The following KCNK6 variants were observed in gnomAD, a reference collection of about 807,000 sequenced individuals.
The protein encoded by KCNK6 is potassium two pore domain channel subfamily K member 6, also known as potassium channel subfamily K member 6.
In KCNK6, 20 loss-of-function variants were observed where a neutral mutation model predicts 21.9. The observed-to-expected ratio is 0.91, with a 90% CI of 0.64 to 1.32. The LOEUF (loss-of-function observed/expected upper bound fraction) is 1.32, where lower values mean the gene tolerates loss of function less well. KCNK6 is among the 40% of genes most tolerant of loss of function. The pLI is 0.00. For missense variants in KCNK6, 415 were observed against 433.1 expected (o/e 0.96, Z 0.37); for synonymous variants, 210 against 218.0 (o/e 0.96, Z 0.32).
intron 1 of KCNK6, among the ~76,000 whole-genome samples, chr19:38,322,687 C>G (rs959062596): frequency 2.6e-5 from 4 of 151,902 alleles, no homozygotes; most frequent in Admixed American, 2.6e-4. Context: ...TTGTGGCAGG[C>G]ACCTGTAATT....
Position 38,326,968 on chromosome 19 carries a change from T to C in KCNK6, c.698T>C (p.Leu233Pro), listed in dbSNP as rs747859713. The change falls in exon 2 of 3, where the codon CTC (leucine) becomes CCC (proline). Residue 233 changes from leucine to proline, a missense_variant. Transcript: ENST00000263372. The part of the protein sequence containing the change: ...GEAPGQPYRA[L>P]YKVLVTVYLF... ...GCCCCTGGCCAGCCCTACCGGGCCCTCTACAAGGTGCTGGTCACAGGTGAG... is the reference window on the plus strand; with the variant it reads ...GCCCCTGGCCAGCCCTACCGGGCCCCCTACAAGGTGCTGGTCACAGGTGAG... 1 of 1,603,392 alleles carries C rather than the reference T, an allele frequency of 6.2e-7. No individual in the cohort carries two copies. The highest frequency in any genetic ancestry group is 8.5e-7 in the Non-Finnish European group (1 of 1,179,250).
intron 1 of KCNK6, among the ~76,000 whole-genome samples, chr19:38,324,309 G>C (rs1000488188): frequency 6.6e-6 from 1 of 152,120 alleles, no homozygotes; most frequent in Admixed American, 6.6e-5. Context: ...TATTAATGAG[G>C]GTTGGGGGTC....
chr19:38,321,018 C>G (rs1244171468), intron 1 of KCNK6, among the ~76,000 whole-genome samples: 1 of 152,126 alleles, frequency 6.6e-6, no homozygotes, highest in Non-Finnish European at 1.5e-5. Context: ...TGCCAGGACC[C>G]CTGACTTTAT....
intron 1 of KCNK6, among the ~76,000 whole-genome samples, chr19:38,320,652 G>T (rs1245615897): frequency 6.6e-6 from 1 of 151,858 alleles, no homozygotes; most frequent in South Asian, 2.1e-4. Context: ...TCCGCCTCCC[G>T]GTTTCAAGCT....
In KCNK6 at chr19:38,328,901, G is replaced by GAAAGAAAGAAAGAAAGAAAGA. The variant is rs1568366774; in HGVS notation, c.*1498_*1499insAAAGAAAGAAAGAAAGAAAGA. 1 of 104,148 alleles carries GAAAGAAAGAAAGAAAGAAAGA rather than the reference G, an allele frequency of 9.6e-6. No individual in the cohort carries two copies. 6.5% of individuals were successfully genotyped at this position (104,148 alleles called of 1,614,324 possible). Reference sequence around the variant, plus strand: ...GAGAGAAAGAAAGAAAGAAAGAAAGGGAAAGATGGAAGGAAGGAAGGAAAA... The same window carrying GAAAGAAAGAAAGAAAGAAAGA: ...GAGAGAAAGAAAGAAAGAAAGAAAGGAAAGAAAGAAAGAAAGAAAGAGAAAGATGGAAGGAAGGAAGGAAAA... On this transcript the variant is annotated 3_prime_UTR_variant, in exon 3 of 3. Coordinates refer to ENST00000263372, the MANE Select transcript of KCNK6 (RefSeq NM_004823.3).
At chr19:38,326,346 C>A (rs899478060) in intron 1 of KCNK6, among the ~76,000 whole-genome samples, 1 of 152,000 alleles carries the variant, frequency 6.6e-6, no homozygotes, top group Non-Finnish European at 1.5e-5. Context: ...TCCAGGAGCT[C>A]GAGACTAGCC....
chr19:38,327,322 G>A lies in KCNK6; in HGVS notation c.861G>A (p.Val287=), dbSNP rs1391620530. 8.1e-6 allele frequency: 13 copies of A among 1,613,156 alleles called. No homozygotes were observed. The Admixed American group carries it at 2.2e-4, about 27-fold the overall frequency. The change falls in exon 3 of 3, where the codon GTG becomes GTA. Residue 287 remains valine, a synonymous_variant. Coordinates refer to ENST00000263372, the MANE Select transcript of KCNK6 (RefSeq NM_004823.3). ...ASFNADEDDR[V]DILGPQPESH... ...TCAATGCGGATGAGGACGATCGGGT[G>A]GACATCCTGGGCCCCCAGCCGGAGT...
chr19:38,329,405 A>G lies in KCNK6; in HGVS notation c.*2002A>G, dbSNP rs960098685. ...CCATCTCTACAAAAATAAAAATTTTAAAAAGGGCTGGGGCATTTGAGCTGG... is the reference window on the plus strand; with the variant it reads ...CCATCTCTACAAAAATAAAAATTTTGAAAAGGGCTGGGGCATTTGAGCTGG... On this transcript the variant is annotated 3_prime_UTR_variant, in exon 3 of 3. Transcript: ENST00000263372. The G allele has an allele frequency of 6.6e-6, 1 of 151,846 alleles. No individual in the cohort carries two copies. Among genetic ancestry groups the G allele is most frequent in the Admixed American group, 6.6e-5 (1 of 15,184 alleles). The allele number at this position is 151,846 out of a possible 1,614,324, so 9.4% of individuals were successfully genotyped here. A position where few individuals can be genotyped will look rare whatever the true frequency, so the allele number is the denominator to read the frequency against.
chr19:38,325,704 G>C (rs1375909146), intron 1 of KCNK6: 2 of 210,012 alleles, frequency 9.5e-6, no homozygotes, highest in Non-Finnish European at 1.7e-5. Context: ...GGATGAAGAA[G>C]ACCTGGAGAG....
intron 1 of KCNK6, chr19:38,325,424 G>A (rs74599121): frequency 0.023 from 22,315 of 985,356 alleles, 332 homozygotes; most frequent in East Asian, 0.089. Context: ...CCATTGTCTC[G>A]CCCATTTTAG....
At position 38,326,511 on chromosome 19, in the gene KCNK6, G is replaced by A. The variant is rs560076046; in HGVS notation, c.323-82G>A. 126 of 1,460,588 alleles carry A rather than the reference G, an allele frequency of 8.6e-5. 1 individual carries two copies. The East Asian group carries it at 1.8e-3, about 21-fold the overall frequency. 90.5% of individuals were successfully genotyped at this position (1,460,588 alleles called of 1,614,324 possible). On this transcript the variant is annotated intron_variant, in intron 1 of 2. Transcript: ENST00000263372. ...GACTGCAGTAAGCTATGATGGCACC[G>A]CTGCACTCCAGCCCGGGTGACAGAG...
intron 1 of KCNK6, chr19:38,325,615 T>C (rs1468648170): frequency 1.1e-6 from 1 of 891,414 alleles, no homozygotes; most frequent in Non-Finnish European, 1.3e-6. Flanking sequence ...TTAAGTGCTA[T>C]GGGAAAAAAA....
chr19:38,320,214 C>T lies in KCNK6; in HGVS notation c.264C>T (p.Asp88=). Reference sequence around the variant, plus strand: ...CTTCGGGGTCCGCCAACGCCTCGGACCCCGCCTGGGACTTCGCCTCTGCTC... The same window carrying T: ...CTTCGGGGTCCGCCAACGCCTCGGATCCCGCCTGGGACTTCGCCTCTGCTC... The part of the protein sequence containing the change: ...ANASGSANAS[D]PAWDFASALF... Residue 88 remains aspartate, a synonymous_variant, in exon 1 of 3, where the codon GAC becomes GAT. Coordinates refer to ENST00000263372, the MANE Select transcript of KCNK6 (RefSeq NM_004823.3). 1 of 1,603,794 alleles carries T rather than the reference C, an allele frequency of 6.2e-7. No homozygotes were observed. The highest frequency in any genetic ancestry group is 8.5e-7 in the Non-Finnish European group (1 of 1,179,606).
chr19:38,322,266 A>G (rs1449273900), intron 1 of KCNK6, among the ~76,000 whole-genome samples: 1 of 152,234 alleles, frequency 6.6e-6, no homozygotes, highest in Admixed American at 6.5e-5. Flanking sequence ...TGTGTTGTAA[A>G]AGAAAAAAAT....
In KCNK6 at chr19:38,326,704, T is replaced by C. The variant is rs1387936511; in HGVS notation, c.434T>C (p.Leu145Pro). ...CTGCTGACCGCCTCAGCCCAGCGCC[T>C]GTCACTGCTGCTGACTCACGTGCCC... is the stretch of plus-strand genomic sequence containing the variant. Reference protein sequence around the residue: ...MLLLTASAQRLSLLLTHVPLS... With the variant: ...MLLLTASAQRPSLLLTHVPLS... The change falls in exon 2 of 3, where the codon CTG becomes CCG. Residue 145 changes from leucine (L) to proline (P), a missense_variant. Physicochemically the swap from Leu to Pro is moderately conservative, Grantham distance 98. Coordinates refer to ENST00000263372, the MANE Select transcript of KCNK6 (RefSeq NM_004823.3). 3.1e-6 allele frequency: 5 copies of C among 1,605,280 alleles called. No individual in the cohort carries two copies. In the Admixed American group the frequency reaches 6.7e-5, roughly 21 times the overall value.
chr19:38,326,945 C>T lies in KCNK6; in HGVS notation c.675C>T (p.Ala225=), dbSNP rs367960019. 6.2e-7 allele frequency: 1 copy of T among 1,607,416 alleles called. No individual in the cohort carries two copies. Among genetic ancestry groups the T allele is most frequent in the Non-Finnish European group, 8.5e-7 (1 of 1,179,914 alleles). The change falls in exon 2 of 3, where the codon GCC becomes GCT. Residue 225 remains alanine, a synonymous_variant. Coordinates refer to ENST00000263372, the MANE Select transcript of KCNK6 (RefSeq NM_004823.3). ...TGGGCGACTACGTGCCCGGGGAGGC[C>T]CCTGGCCAGCCCTACCGGGCCCTCT... is the stretch of plus-strand genomic sequence containing the variant. ...IGLGDYVPGE[A]PGQPYRALYK...
intron 1 of KCNK6, chr19:38,325,353 A>C: frequency 1.0e-6 from 1 of 963,686 alleles, no homozygotes; most frequent in Non-Finnish European, 1.2e-6. Flanking sequence ...CTGACCTCAT[A>C]ATCTGCCCGC....
At position 38,329,476 on chromosome 19, in the gene KCNK6, G is replaced by T; in HGVS notation, c.*2073G>T. ...GAAAAGGCATGGAGAGGGCATACCA[G>T]GTGGGAGGAGCTGTGTGCAAAGGCC... On this transcript the variant is annotated 3_prime_UTR_variant, in exon 3 of 3. Coordinates refer to ENST00000263372, the MANE Select transcript of KCNK6 (RefSeq NM_004823.3). 1 of 152,292 alleles carries T rather than the reference G, an allele frequency of 6.6e-6. No individual in the cohort carries two copies. 9.4% of individuals were successfully genotyped at this position (152,292 alleles called of 1,614,324 possible).
chr19:38,319,999 T>A lies in KCNK6; in HGVS notation c.49T>A (p.Tyr17Asn). Residue 17 changes from tyrosine (Y) to asparagine (N), a missense_variant, in exon 1 of 3, where the codon TAC (tyrosine) becomes AAC (asparagine). Transcript: ENST00000263372. ...LAGALAAYAAYLVLGALLVAR... is the reference protein window; with the variant it reads ...LAGALAAYAANLVLGALLVAR... ...GGGCGCCTTGGCCGCGTACGCCGCG[T>A]ACCTGGTGCTGGGCGCGCTGTTGGT... is the stretch of plus-strand genomic sequence containing the variant. 1 of 1,485,486 alleles carries A rather than the reference T, an allele frequency of 6.7e-7. No individual in the cohort carries two copies. The highest frequency in any genetic ancestry group is 8.9e-7 in the Non-Finnish European group (1 of 1,127,376). The allele number at this position is 1,485,486 out of a possible 1,614,324, so 92.0% of individuals were successfully genotyped here. A position where few individuals can be genotyped will look rare whatever the true frequency, so the allele number is the denominator to read the frequency against.
Sources: gnomAD v4.1 joint callset for allele counts (sites outside exome capture counted in the v4.1 genomes callset) on GRCh38, gnomAD v4.1.1 for gene constraint, MANE v1.5 for transcripts, NCBI Gene and HGNC (gene_info 2026-07-23, HGNC 2026-07-21) for gene names.